RAB30: variants seen among roughly 807,000 people sequenced by gnomAD.
RAB30 encodes the protein RAB30, member RAS oncogene family.
RAB30 carries 9 observed loss-of-function variants against 25.1 expected under a neutral mutation model. That is an observed-to-expected ratio of 0.36 (90% CI 0.22 to 0.63). The LOEUF (loss-of-function observed/expected upper bound fraction) is 0.63, where lower values mean the gene tolerates loss of function less well. RAB30 is among the 20% of genes least tolerant of loss of function. RAB30 has a pLI of 0.69. For missense variants in RAB30, 140 were observed against 243.5 expected (o/e 0.58, Z 2.83); for synonymous variants, 77 against 86.4 (o/e 0.89, Z 0.60).
chr11:83,003,977 T>G (rs1350571096), intron 1 of RAB30, among the ~76,000 whole-genome samples: 1 of 152,144 alleles, frequency 6.6e-6, no homozygotes, highest in African/African-American at 2.4e-5. Context: ...CACAGTAACA[T>G]AACTTTGAGA....
chr11:83,058,465 C>G (rs577238224), intron 1 of RAB30, among the ~76,000 whole-genome samples: 98 of 152,140 alleles, frequency 6.4e-4, no homozygotes, highest in African/African-American at 2.3e-3. Context: ...ATGACCTTTA[C>G]TTTTTTGAAA....
In RAB30 at chr11:82,979,569, A is replaced by G. The variant is rs925936426; in HGVS notation, c.*2596T>C. ...GTTCTACTTGAAGGAATTTCTGTTTAATCAAAAAAAGCTCCCCCAACCACT... is the reference window on the plus strand; with the variant it reads ...GTTCTACTTGAAGGAATTTCTGTTTGATCAAAAAAAGCTCCCCCAACCACT... On this transcript the variant is annotated 3_prime_UTR_variant, in exon 5 of 5. Transcript: ENST00000527633. The G allele has an allele frequency of 1.3e-5, 2 of 152,140 alleles. No homozygotes were observed. The highest frequency in any genetic ancestry group is 2.4e-5 in the African/African-American group (1 of 41,438). The allele number at this position is 152,140 out of a possible 1,614,324, so 9.4% of individuals were successfully genotyped here.
At chr11:83,031,250 G>A (rs1047671680) in intron 1 of RAB30, among the ~76,000 whole-genome samples, 6 of 152,176 alleles carry the variant, frequency 3.9e-5, no homozygotes, top group African/African-American at 1.2e-4. Context: ...TAGACTATCC[G>A]AATAAAAACA....
At chr11:83,017,549 C>A (rs1029954771) in intron 1 of RAB30, among the ~76,000 whole-genome samples, 3 of 152,082 alleles carry the variant, frequency 2.0e-5, no homozygotes, top group South Asian at 2.1e-4. Context: ...CCTTTCCCCC[C>A]AAGTCCCCAA....
At chr11:83,019,269 G>A (rs992997608) in intron 1 of RAB30, among the ~76,000 whole-genome samples, 18 of 152,168 alleles carry the variant, frequency 1.2e-4, no homozygotes, top group Admixed American at 5.2e-4. Context: ...CAAGTGATCC[G>A]TCTACCTCAG....
In RAB30 at chr11:82,982,634, C is replaced by T. The variant is rs528591021; in HGVS notation, c.362-219G>A. On this transcript the variant is annotated intron_variant, in intron 4 of 4. Transcript: ENST00000527633. Reference sequence around the variant, plus strand: ...ATCCCAGCACTTTAGGAGGCCAAGGCGGGTGGATCACCAGGTCAGGAGTTC... The same window carrying T: ...ATCCCAGCACTTTAGGAGGCCAAGGTGGGTGGATCACCAGGTCAGGAGTTC... Among the ~76,000 whole-genome samples, 100 of 152,186 alleles carry T rather than the reference C, an allele frequency of 6.6e-4. 2 individuals carry two copies. Among genetic ancestry groups the T allele is most frequent in the African/African-American group, 2.2e-3 (91 of 41,548 alleles).
chr11:83,049,938 T>C (rs559455349), intron 1 of RAB30, among the ~76,000 whole-genome samples: 2 of 152,204 alleles, frequency 1.3e-5, no homozygotes, highest in African/African-American at 4.8e-5. Context: ...CCCCTTCCTT[T>C]TGGGGCCCAC....
chr11:83,054,895 G>A (rs572021843), intron 1 of RAB30, among the ~76,000 whole-genome samples: 33 of 152,192 alleles, frequency 2.2e-4, no homozygotes, highest in African/African-American at 7.5e-4. Context: ...CGAAAAGAAA[G>A]CTGAGCCTCA....
chr11:83,007,573 T>C (rs1402736598), intron 1 of RAB30, among the ~76,000 whole-genome samples: 2 of 152,192 alleles, frequency 1.3e-5, no homozygotes, highest in African/African-American at 4.8e-5. Flanking sequence ...TATCTTCTGG[T>C]GCTCTTTCTG....
At chr11:83,067,769 A>G (rs1341993368) in intron 1 of RAB30, among the ~76,000 whole-genome samples, 3 of 152,166 alleles carry the variant, frequency 2.0e-5, no homozygotes, top group Admixed American at 2.0e-4. Context: ...AGGCAGGTGG[A>G]TCACCTGAGG....
intron 1 of RAB30, among the ~76,000 whole-genome samples, chr11:83,005,811 T>C (rs1167119162): frequency 1.3e-5 from 2 of 152,014 alleles, no homozygotes; most frequent in African/African-American, 2.4e-5. Context: ...GCAATATATA[T>C]TATTAAGGTC....
At chr11:83,044,505 C>T (rs1375086780) in intron 1 of RAB30, among the ~76,000 whole-genome samples, 1 of 152,028 alleles carries the variant, frequency 6.6e-6, no homozygotes, top group Non-Finnish European at 1.5e-5. Flanking sequence ...AACAGTAATC[C>T]AGGTAGGAAG....
chr11:83,028,904 G>A (rs1273847028), intron 1 of RAB30, among the ~76,000 whole-genome samples: 1 of 152,150 alleles, frequency 6.6e-6, no homozygotes, highest in Non-Finnish European at 1.5e-5. Flanking sequence ...AGGCATGGTG[G>A]CATGCACCTG....
intron 1 of RAB30, among the ~76,000 whole-genome samples, chr11:83,029,955 C>G (rs528529686): frequency 1.3e-5 from 2 of 152,124 alleles, no homozygotes; most frequent in Non-Finnish European, 2.9e-5. Flanking sequence ...AAACCAGATA[C>G]CTTGTTTTCT....
chr11:83,037,051 G>C (rs1307535048), intron 1 of RAB30, among the ~76,000 whole-genome samples: 1 of 152,132 alleles, frequency 6.6e-6, no homozygotes, highest in Non-Finnish European at 1.5e-5. Context: ...GTTGCTGTGT[G>C]GAGAAGTGAG....
rs1227573727 is a variant in RAB30, at chr11:82,981,167, C to T, written c.*998G>A. On this transcript the variant is annotated 3_prime_UTR_variant, in exon 5 of 5. Transcript: ENST00000527633. ...ATCAAGGACTGTGCTCTGCTAGGAGCCCTGCACTACAGTCCATTAATCCAC... is the reference window on the plus strand; with the variant it reads ...ATCAAGGACTGTGCTCTGCTAGGAGTCCTGCACTACAGTCCATTAATCCAC... The T allele has an allele frequency of 1.3e-5, 2 of 152,170 alleles. No individual in the cohort carries two copies. The highest frequency in any genetic ancestry group is 3.8e-4 in the East Asian group (2 of 5,204). The allele number at this position is 152,170 out of a possible 1,614,324, so 9.4% of individuals were successfully genotyped here.
intron 3 of RAB30, among the ~76,000 whole-genome samples, chr11:82,993,562 G>A (rs1856899790): frequency 6.6e-6 from 1 of 152,154 alleles, no homozygotes; most frequent in Admixed American, 6.5e-5. Context: ...CAGGAAGCAG[G>A]GGCTAGAGAG....
intron 1 of RAB30, among the ~76,000 whole-genome samples, chr11:82,999,982 C>T (rs753478788): frequency 3.9e-5 from 6 of 152,180 alleles, no homozygotes; most frequent in Non-Finnish European, 8.8e-5. Context: ...AGAGCAGTGA[C>T]GTGTCAGGTT....
intron 1 of RAB30, among the ~76,000 whole-genome samples, chr11:83,055,577 T>C (rs763208089): frequency 2.6e-5 from 4 of 152,256 alleles, no homozygotes; most frequent in African/African-American, 9.6e-5. Context: ...GTCTCACTGA[T>C]CACTTTCTAC....
Sources: allele counts gnomAD v4.1 joint callset (sites outside exome capture counted in the v4.1 genomes callset), GRCh38; gene constraint gnomAD v4.1.1; transcripts MANE v1.5; gene names NCBI Gene and HGNC (gene_info 2026-07-23, HGNC 2026-07-21).